The following THRA variants were observed in gnomAD, a reference collection of about 807,000 sequenced individuals.
THRA encodes EAR-7.
THRA carries 13 observed loss-of-function variants against 45.0 expected under a neutral mutation model. That is an observed-to-expected ratio of 0.29 (90% CI 0.19 to 0.46). The LOEUF is 0.46. Ranked by LOEUF, THRA falls within the 20% of genes least tolerant of loss-of-function variation. The pLI, the probability that THRA is intolerant of heterozygous loss-of-function variation, is 1.00. For missense variants in THRA, 278 were observed against 556.1 expected (o/e 0.50, Z 5.03); for synonymous variants, 195 against 214.0 (o/e 0.91, Z 0.78).
rs1030724668 is a variant in THRA, at chr17:40,093,001, T to G, written c.*3545T>G. 6 of 1,600,586 alleles carry G rather than the reference T, an allele frequency of 3.7e-6. No homozygotes were observed. The highest frequency in any genetic ancestry group is 5.1e-6 in the Non-Finnish European group (6 of 1,169,966). ...TATAAATAAGATTCTGGTTTGCTTT[T>G]CCTTTTCGTCTCGTAAAGGAGAGAG... On this transcript the variant is annotated 3_prime_UTR_variant, in exon 9 of 9. Coordinates refer to ENST00000450525, the MANE Select transcript of THRA (RefSeq NM_199334.5). This position sits in a 1 kb window ranked among gnomAD's most constrained non-coding sequence, Gnocchi z 5.9.
intron 2 of THRA, 51 bp downstream of exon 2, chr17:40,074,592 G>A: frequency 6.2e-7 from 1 of 1,600,628 alleles, no homozygotes; most frequent in Non-Finnish European, 8.6e-7. Flanking sequence ...GCAGGCATGG[G>A]CACCTGGCTG....
intron 1 of THRA, among the ~76,000 whole-genome samples, chr17:40,069,707 C>A (rs1377834537): frequency 6.6e-6 from 1 of 151,634 alleles, no homozygotes; most frequent in Non-Finnish European, 1.5e-5. Flanking sequence ...GCAGGGGGGG[C>A]GTGAAGTTCT....
chr17:40,084,490 T>G, intron 5 of THRA, 120 bp from the exon 6 acceptor site: 2 of 1,134,668 alleles, frequency 1.8e-6, no homozygotes, highest in Non-Finnish European at 2.6e-6. Context: ...TGGGAAGTCA[T>G]TTAGCCTCCA....
chr17:40,093,367 T>C (rs771068075), downstream of THRA: 6 of 1,611,330 alleles, frequency 3.7e-6, no homozygotes, highest in East Asian at 2.2e-5. This position sits in a 1 kb window ranked among gnomAD's most constrained non-coding sequence, Gnocchi z 5.9. Context: ...TGGCAGGCAA[T>C]GCAGCCTCTC....
chr17:40,076,979 C>A, intron 3 of THRA, 41 bp downstream of exon 3: 1 of 1,597,138 alleles, frequency 6.3e-7, no homozygotes. Context: ...CGTCCCCAAC[C>A]CCACCAAACC....
intron 1 of THRA, among the ~76,000 whole-genome samples, chr17:40,064,221 G>A (rs1986470219): frequency 6.6e-6 from 1 of 152,092 alleles, no homozygotes; most frequent in African/African-American, 2.4e-5. Flanking sequence ...CAAGAGCATG[G>A]GGACCGATCC....
chr17:40,066,428 C>T (rs1411417215), intron 1 of THRA, among the ~76,000 whole-genome samples: 4 of 151,988 alleles, frequency 2.6e-5, no homozygotes, highest in African/African-American at 9.7e-5. Flanking sequence ...CACTGGGAGG[C>T]GGAGGCAGGC....
chr17:40,071,244 A>AT (rs1986764274), intron 1 of THRA, among the ~76,000 whole-genome samples: 1 of 152,218 alleles, frequency 6.6e-6, no homozygotes, highest in South Asian at 2.1e-4. Context: ...CCCAGAGCAG[A>AT]TACGCAGGAG....
chr17:40,074,383 G>T lies in THRA; in HGVS notation c.-106G>T. 8.1e-7 allele frequency: 1 copy of T among 1,231,990 alleles called. No homozygotes were observed. The highest frequency in any genetic ancestry group is 1.9e-5 in the Admixed American group (1 of 53,024). The allele number at this position is 1,231,990 out of a possible 1,614,324, so 76.3% of individuals were successfully genotyped here. On this transcript the variant is annotated 5_prime_UTR_variant, in exon 2 of 9. Transcript: ENST00000450525. ...GGTATCATGGGTGCTGTGCCCTAGG[G>T]CCTGGGTGGCAGGGGGTGGGTGGCC...
Position 40,090,060 on chromosome 17 carries a change from C to A in THRA, c.*604C>A, listed in dbSNP as rs1002905473. The stretch of plus-strand genomic sequence containing the variant: ...AGAGAAAAATACAAAAAAGAGAGAG[C>A]GAGCGATAGAGAGAGATGATATTAA... On this transcript the variant is annotated 3_prime_UTR_variant, in exon 9 of 9. Coordinates refer to ENST00000450525, the MANE Select transcript of THRA (RefSeq NM_199334.5). The A allele has an allele frequency of 1.0e-5, 10 of 979,894 alleles. No homozygotes were observed. The highest frequency in any genetic ancestry group is 6.1e-5 in the Admixed American group (1 of 16,430). 60.7% of individuals were successfully genotyped at this position (979,894 alleles called of 1,614,324 possible). A position where few individuals can be genotyped will look rare whatever the true frequency, so the allele number is the denominator to read the frequency against.
chr17:40,076,136 G>A (rs1476916078), intron 2 of THRA, among the ~76,000 whole-genome samples: 1 of 152,238 alleles, frequency 6.6e-6, no homozygotes, highest in Non-Finnish European at 1.5e-5. Context: ...GCACAGAGGG[G>A]CTCAGTCCCG....
chr17:40,092,734 C>T lies in THRA; in HGVS notation c.*3278C>T, dbSNP rs921842751. ...TGACCAGATGGAGAGGTGGCCCCCC[C>T]CAGCCTTGGCAGTATTTCCACCCCA... On this transcript the variant is annotated 3_prime_UTR_variant, in exon 9 of 9. Transcript: ENST00000450525. 5 of 343,626 alleles carry T rather than the reference C, an allele frequency of 1.5e-5. No homozygotes were observed. The Admixed American group carries it at 1.7e-4, about 12-fold the overall frequency. The allele number at this position is 343,626 out of a possible 1,614,324, so 21.3% of individuals were successfully genotyped here. A position where few individuals can be genotyped will look rare whatever the true frequency, so the allele number is the denominator to read the frequency against.
intron 4 of THRA, among the ~76,000 whole-genome samples, chr17:40,077,985 C>G (rs1338680313): frequency 6.6e-6 from 1 of 152,204 alleles, no homozygotes; most frequent in Non-Finnish European, 1.5e-5. Flanking sequence ...GCATACCTGC[C>G]TGGTTACTTT....
intron 1 of THRA, chr17:40,068,792 C>G (rs1359085561): frequency 1.3e-5 from 2 of 152,358 alleles, no homozygotes; most frequent in East Asian, 3.9e-4. Flanking sequence ...TCCCAGAGCC[C>G]CAGCTGCCTG....
Position 40,066,308 on chromosome 17 carries a change from A to C in THRA, c.-298+3216A>C, listed in dbSNP as rs906780082. On this transcript the variant is annotated intron_variant, in intron 1 of 8. Coordinates refer to ENST00000450525, the MANE Select transcript of THRA (RefSeq NM_199334.5). ...TGGAGGCACTTGGCAGAGAACCCAC[A>C]GGGCAGCTACAGAGGGGAAAGACTG... 7.9e-5 allele frequency among the ~76,000 whole-genome samples: 12 copies of C among 152,204 alleles called. No homozygotes were observed. The South Asian group carries it at 8.3e-4, about 11-fold the overall frequency.
At position 40,090,133 on chromosome 17, in the gene THRA, C is replaced by T; in HGVS notation, c.*677C>T. On this transcript the variant is annotated 3_prime_UTR_variant, in exon 9 of 9. Coordinates refer to ENST00000450525, the MANE Select transcript of THRA (RefSeq NM_199334.5). ...AGGGGAGGACCCCCCCTTTACCACC[C>T]CATGCACTTTGCGAGCTGCCCCTTC... The T allele has an allele frequency of 1.5e-6, 1 of 663,076 alleles. No individual in the cohort carries two copies. The highest frequency in any genetic ancestry group is 1.9e-6 in the Non-Finnish European group (1 of 536,142). The allele number at this position is 663,076 out of a possible 1,614,324, so 41.1% of individuals were successfully genotyped here. A position where few individuals can be genotyped will look rare whatever the true frequency, so the allele number is the denominator to read the frequency against.
chr17:40,093,220 G>C, downstream of THRA: 1 of 1,613,734 alleles, frequency 6.2e-7, no homozygotes, highest in Non-Finnish European at 8.5e-7. This position sits in a 1 kb window ranked among gnomAD's most constrained non-coding sequence, Gnocchi z 5.9. Context: ...AGAGCCCGAA[G>C]AGCCCGCAGC....
chr17:40,077,006 G>A (rs896282336), intron 3 of THRA, 68 bp downstream of exon 3: 1 of 1,486,046 alleles, frequency 6.7e-7, no homozygotes, highest in African/African-American at 1.4e-5. Flanking sequence ...GGGCTCCTCT[G>A]GACCTGGATG....
intron 4 of THRA, 116 bp from the exon 5 acceptor site, chr17:40,083,719 C>T: frequency 7.4e-7 from 1 of 1,353,864 alleles, no homozygotes; most frequent in Admixed American, 2.4e-5. Context: ...TGCCAGGTCC[C>T]CTCACTGATC....
Sources: gnomAD v4.1 joint callset for allele counts (sites outside exome capture counted in the v4.1 genomes callset) on GRCh38, gnomAD v4.1.1 for gene constraint, Gnocchi (gnomAD v3.1) non-coding constraint, MANE v1.5 for transcripts, NCBI Gene and HGNC (gene_info 2026-07-23, HGNC 2026-07-21) for gene names.